The following GRID2 variants were observed in gnomAD, a reference collection of about 807,000 sequenced individuals.
GRID2 encodes glutamate ionotropic receptor delta type subunit 2.
A neutral mutation model predicts 114.8 loss-of-function variants in GRID2; 33 were observed. The observed-to-expected ratio is 0.29, with a 90% CI of 0.22 to 0.38. GRID2 has a LOEUF of 0.38. Among genes scored for constraint, GRID2 ranks in the 10% least tolerant of loss-of-function variants. The pLI is 1.00. For missense variants in GRID2, 1,184 were observed against 1,257.7 expected, an observed-to-expected ratio of 0.94 and a Z score of 0.89; for synonymous variants, 505 against 449.9, an observed-to-expected ratio of 1.12 and a Z score of -1.55.
chr4:92,918,369 C>T (rs1378114350), intron 2 of GRID2, among the ~76,000 whole-genome samples: 2 of 152,236 alleles, frequency 1.3e-5, no homozygotes, highest in East Asian at 3.9e-4. Context: ...ATTGCCCTGG[C>T]CAGAACTTCC....
At chr4:93,665,388 G>T (rs2149743440) in intron 14 of GRID2, among the ~76,000 whole-genome samples, 1 of 152,188 alleles carries the variant, frequency 6.6e-6, no homozygotes, top group African/African-American at 2.4e-5. Flanking sequence ...TAAACCTCTT[G>T]TTTACTGTTA....
chr4:93,500,467 T>C (rs2149472865), intron 12 of GRID2, among the ~76,000 whole-genome samples: 1 of 152,102 alleles, frequency 6.6e-6, no homozygotes, highest in East Asian at 1.9e-4. Context: ...CAATTCTATA[T>C]ATTAATTGTT....
At chr4:92,526,971 T>G (rs2149145469) in intron 1 of GRID2, among the ~76,000 whole-genome samples, 1 of 152,208 alleles carries the variant, frequency 6.6e-6, no homozygotes, top group Admixed American at 6.5e-5. Flanking sequence ...TATAAAATGT[T>G]TTTATCTTTA....
chr4:93,417,099 A>T (rs1166824356), intron 9 of GRID2, among the ~76,000 whole-genome samples: 1 of 152,156 alleles, frequency 6.6e-6, no homozygotes, highest in African/African-American at 2.4e-5. Context: ...ATGAATTTTA[A>T]TGACAGGATT....
chr4:93,663,298 G>A (rs1560876660), intron 14 of GRID2, among the ~76,000 whole-genome samples: 2 of 152,112 alleles, frequency 1.3e-5, no homozygotes, highest in African/African-American at 4.8e-5. Flanking sequence ...CAGTTATGGA[G>A]GTATTTTGAG....
At chr4:92,955,736 T>G (rs1430114918) in intron 2 of GRID2, among the ~76,000 whole-genome samples, 1 of 152,162 alleles carries the variant, frequency 6.6e-6, no homozygotes, top group Non-Finnish European at 1.5e-5. Context: ...CTTCTAGGGT[T>G]TTTATGGTTT....
chr4:92,750,561 T>G (rs1285555155), intron 2 of GRID2, among the ~76,000 whole-genome samples: 1 of 152,200 alleles, frequency 6.6e-6, no homozygotes, highest in Admixed American at 6.5e-5. Context: ...AACAAGTATT[T>G]GTGATTCCAG....
intron 12 of GRID2, among the ~76,000 whole-genome samples, chr4:93,501,615 A>AATT (rs1272919238): frequency 6.6e-6 from 1 of 152,022 alleles, no homozygotes; most frequent in Non-Finnish European, 1.5e-5. Flanking sequence ...TTTGGAAAAA[A>AATT]ATTAAAACTT....
intron 2 of GRID2, among the ~76,000 whole-genome samples, chr4:92,629,297 G>T (rs1325864771): frequency 6.6e-6 from 1 of 151,908 alleles, no homozygotes; most frequent in Non-Finnish European, 1.5e-5. Context: ...TCTTAATAAG[G>T]TCTATTATTT....
intron 13 of GRID2, among the ~76,000 whole-genome samples, chr4:93,527,849 C>A (rs1170002064): frequency 6.6e-6 from 1 of 151,988 alleles, no homozygotes; most frequent in East Asian, 1.9e-4. Flanking sequence ...ACTCTGTACC[C>A]ACTAAAAATT....
At chr4:92,379,832 G>T (rs1197415650) in intron 1 of GRID2, among the ~76,000 whole-genome samples, 1 of 151,912 alleles carries the variant, frequency 6.6e-6, no homozygotes, top group Non-Finnish European at 1.5e-5. Flanking sequence ...CTTACAGATA[G>T]CTAATAAAGT....
intron 2 of GRID2, among the ~76,000 whole-genome samples, chr4:92,650,423 G>C (rs1222262136): frequency 6.6e-6 from 1 of 152,000 alleles, no homozygotes; most frequent in African/African-American, 2.4e-5. Flanking sequence ...CTTAATCACA[G>C]GGCGTGATAT....
At chr4:92,728,128 G>T (rs1736150225) in intron 2 of GRID2, among the ~76,000 whole-genome samples, 1 of 152,150 alleles carries the variant, frequency 6.6e-6, no homozygotes, top group East Asian at 1.9e-4. Flanking sequence ...AGAAAGGAAT[G>T]TATTTTACTG....
chr4:92,329,016 TCTC>T (rs1480949093), intron 1 of GRID2, among the ~76,000 whole-genome samples: 1 of 152,074 alleles, frequency 6.6e-6, no homozygotes, highest in Non-Finnish European at 1.5e-5. Context: ...ATGTCCCTAG[TCTC>T]CTGGGTAGAG....
At chr4:93,550,316 C>G (rs1358679130) in intron 13 of GRID2, among the ~76,000 whole-genome samples, 2 of 152,084 alleles carry the variant, frequency 1.3e-5, no homozygotes, top group African/African-American at 4.8e-5. Flanking sequence ...ACACACCTCT[C>G]ATGACAAAGT....
intron 1 of GRID2, among the ~76,000 whole-genome samples, chr4:92,310,961 T>C (rs1418679132): frequency 1.3e-5 from 2 of 152,150 alleles, no homozygotes; most frequent in Non-Finnish European, 2.9e-5. Context: ...ATGTCTTTGT[T>C]GCAAACAAGA....
intron 14 of GRID2, among the ~76,000 whole-genome samples, chr4:93,745,078 T>C (rs1249253418): frequency 6.6e-6 from 1 of 152,188 alleles, no homozygotes; most frequent in Admixed American, 6.5e-5. Context: ...ATTTTGTATG[T>C]ACTGGGAAAA....
intron 13 of GRID2, among the ~76,000 whole-genome samples, chr4:93,573,610 T>C (rs1736134266): frequency 6.6e-6 from 1 of 152,166 alleles, no homozygotes; most frequent in Non-Finnish European, 1.5e-5. Context: ...GGACTATCTA[T>C]TAATATTGCT....
At chr4:93,591,619 T>C (rs1454684739) in intron 13 of GRID2, among the ~76,000 whole-genome samples, 1 of 151,934 alleles carries the variant, frequency 6.6e-6, no homozygotes, top group African/African-American at 2.4e-5. Context: ...TGGAATAGTT[T>C]CAGAAGGAAT....
Sources: gnomAD v4.1 joint callset for allele counts (sites outside exome capture counted in the v4.1 genomes callset) on GRCh38, gnomAD v4.1.1 for gene constraint, MANE v1.5 for transcripts, NCBI Gene and HGNC (gene_info 2026-07-23, HGNC 2026-07-21) for gene names.